The following PLPP3 variants were observed in gnomAD, a reference collection of about 807,000 sequenced individuals.
PLPP3 encodes the protein PAP2 beta.
Under a neutral mutation model 29.6 loss-of-function variants are expected in PLPP3, and 6 were observed. The ratio of observed to expected loss-of-function variants is 0.20; its 90% confidence interval spans 0.11 to 0.40. PLPP3 has a LOEUF of 0.40. Among genes scored for constraint, PLPP3 ranks in the 10% least tolerant of loss-of-function variants. PLPP3 has a pLI of 1.00. For synonymous variants in PLPP3, 152 were observed against 159.7 expected (o/e 0.95, Z 0.36); for missense variants, 308 against 407.7 (o/e 0.76, Z 2.11).
At chr1:56,522,301 T>C (rs1013768634) in intron 4 of PLPP3, among the ~76,000 whole-genome samples, 3 of 152,176 alleles carry the variant, frequency 2.0e-5, no homozygotes, top group Non-Finnish European at 4.4e-5. Context: ...AAGGCTACAG[T>C]GCACAGTGCT....
intron 3 of PLPP3, 89 bp from the exon 4 acceptor site, chr1:56,523,969 C>A: frequency 6.9e-7 from 1 of 1,455,528 alleles, no homozygotes; most frequent in South Asian, 1.2e-5. Flanking sequence ...AGACTGTAAC[C>A]TTGAGAGCAG....
At position 56,557,012 on chromosome 1, in the gene PLPP3, G is replaced by GAAGGAAAGAAAGAAAGAAAAGAA. The variant is rs60511169; in HGVS notation, c.140-19901_140-19900insTTCTTTTCTTTCTTTCTTTCCTT. 5.5e-4 allele frequency among the ~76,000 whole-genome samples: 5 copies of GAAGGAAAGAAAGAAAGAAAAGAA among 9,124 alleles called. 2 individuals are homozygous for GAAGGAAAGAAAGAAAGAAAAGAA. The South Asian group carries it at 7.0e-3, about 13-fold the overall frequency. 6.0% of individuals were successfully genotyped at this position (9,124 alleles called of 152,430 possible). A position where few individuals can be genotyped will look rare whatever the true frequency, so the allele number is the denominator to read the frequency against. ...AAAGAAAGAAAGAAAGAAAGAAAGA[G>GAAGGAAAGAAAGAAAGAAAAGAA]AGAGAGAGAGAGAAAGAGAGAGAGA... On this transcript the variant is annotated intron_variant, in intron 1 of 5. Transcript: ENST00000371250.
intron 1 of PLPP3, among the ~76,000 whole-genome samples, chr1:56,544,212 C>T (rs552704445): frequency 6.6e-6 from 1 of 152,326 alleles, no homozygotes; most frequent in South Asian, 2.1e-4. Flanking sequence ...AAATCCCCAG[C>T]TCCAGCTGTT....
chr1:56,538,689 A>G (rs1189234544), intron 1 of PLPP3: 4 of 258,070 alleles, frequency 1.5e-5, no homozygotes, highest in Non-Finnish European at 2.3e-5. Context: ...TAAACAAAAA[A>G]GTTAAGGGGA....
intron 1 of PLPP3, 67 bp downstream of exon 1, chr1:56,578,811 A>T: frequency 7.1e-7 from 1 of 1,409,314 alleles, no homozygotes; most frequent in Non-Finnish European, 9.2e-7. Context: ...GCGGCCCCGG[A>T]CTGGGCTGGG....
At chr1:56,514,471 C>T (rs1286621187) in intron 4 of PLPP3, among the ~76,000 whole-genome samples, 1 of 152,118 alleles carries the variant, frequency 6.6e-6, no homozygotes, top group East Asian at 1.9e-4. Flanking sequence ...GGGCCTAGTT[C>T]ACGAAGGGCT....
chr1:56,569,948 G>A (rs1464025907), intron 1 of PLPP3, among the ~76,000 whole-genome samples: 2 of 152,200 alleles, frequency 1.3e-5, no homozygotes, highest in Non-Finnish European at 2.9e-5. Flanking sequence ...CCTCAGGCAA[G>A]CTTCATCACT....
chr1:56,498,671 T>C (rs1645645637), intron 5 of PLPP3, among the ~76,000 whole-genome samples: 1 of 151,762 alleles, frequency 6.6e-6, no homozygotes, highest in Non-Finnish European at 1.5e-5. Context: ...TCTCATTCTG[T>C]CACCCAGGCT....
In PLPP3 at chr1:56,497,249, C is replaced by T. The variant is rs572362111; in HGVS notation, c.811-573G>A. Among the ~76,000 whole-genome samples the T allele has an allele frequency of 6.6e-5, 10 of 152,310 alleles. No individual in the cohort carries two copies. The South Asian group carries it at 8.3e-4, about 13-fold the overall frequency. On this transcript the variant is annotated intron_variant, in intron 5 of 5. Coordinates refer to ENST00000371250, the MANE Select transcript of PLPP3 (RefSeq NM_003713.5). ...AAGTTGGCAACTAAACGTGGAGGAA[C>T]GGTTAATGACAAATCTCGTATCACT...
At chr1:56,523,373 A>T (rs1002549349) in intron 4 of PLPP3, among the ~76,000 whole-genome samples, 4 of 152,144 alleles carry the variant, frequency 2.6e-5, no homozygotes, top group Admixed American at 1.3e-4. Context: ...TCTGAGACTT[A>T]CTTAGCAATC....
intron 4 of PLPP3, among the ~76,000 whole-genome samples, chr1:56,519,335 TGA>T (rs1389517013): frequency 6.6e-6 from 1 of 152,156 alleles, no homozygotes; most frequent in Non-Finnish European, 1.5e-5. Context: ...GTCATAATTC[TGA>T]GAGTCCGTAA....
At chr1:56,509,094 G>T (rs1434054661) in intron 5 of PLPP3, among the ~76,000 whole-genome samples, 1 of 152,134 alleles carries the variant, frequency 6.6e-6, no homozygotes, top group Non-Finnish European at 1.5e-5. Flanking sequence ...TGGACCATGA[G>T]GTCCCACTGA....
chr1:56,527,071 ATGAGTCACCTTTC>A (rs1343788258), intron 2 of PLPP3, among the ~76,000 whole-genome samples: 1 of 152,212 alleles, frequency 6.6e-6, no homozygotes, highest in Admixed American at 6.5e-5. Flanking sequence ...TTAATCTCAG[ATGAGTCACCTTTC>A]TGCTCCAGTT....
Position 56,578,867 on chromosome 1 carries a change from G to T in PLPP3, c.139+11C>A. ...GGCCGAGGGGCCGAGGGACAGCGGGGCTGGGCTCACCCATGAAGAGGCAGA... is the reference window on the plus strand; with the variant it reads ...GGCCGAGGGGCCGAGGGACAGCGGGTCTGGGCTCACCCATGAAGAGGCAGA... On this transcript the variant is annotated intron_variant, in intron 1 of 5. Transcript: ENST00000371250. 1 of 1,552,554 alleles carries T rather than the reference G, an allele frequency of 6.4e-7. No individual in the cohort carries two copies.
At chr1:56,516,105 G>T (rs982833403) in intron 4 of PLPP3, among the ~76,000 whole-genome samples, 1 of 152,170 alleles carries the variant, frequency 6.6e-6, no homozygotes, top group African/African-American at 2.4e-5. Flanking sequence ...ATTGCACAAT[G>T]ACTTTCCATC....
chr1:56,530,346 G>C (rs200559489), intron 2 of PLPP3, among the ~76,000 whole-genome samples: 1 of 81,860 alleles, frequency 1.2e-5, no homozygotes, highest in African/African-American at 5.6e-5. Context: ...GCATCTCTCT[G>C]TCTCTCTCTA....
intron 1 of PLPP3, among the ~76,000 whole-genome samples, chr1:56,546,246 T>C (rs1298258753): frequency 6.6e-6 from 1 of 152,214 alleles, no homozygotes; most frequent in Non-Finnish European, 1.5e-5. Flanking sequence ...CTCCCTGACA[T>C]GAAGGCTGTC....
chr1:56,530,593 G>GCTTTTGCAAGGT (rs1553137420), intron 2 of PLPP3, among the ~76,000 whole-genome samples: 3 of 152,160 alleles, frequency 2.0e-5, no homozygotes, highest in Non-Finnish European at 4.4e-5. Flanking sequence ...TGTCCATCCG[G>GCTTTTGCAAGGT]CTTTTGCAAG....
chr1:56,533,038 C>A (rs1645900770), intron 2 of PLPP3, among the ~76,000 whole-genome samples: 1 of 151,388 alleles, frequency 6.6e-6, no homozygotes. Context: ...CGTCTTCCAG[C>A]AACCTATTAT....
Sources: allele counts gnomAD v4.1 joint callset (sites outside exome capture counted in the v4.1 genomes callset), GRCh38; gene constraint gnomAD v4.1.1; transcripts MANE v1.5; gene names NCBI Gene and HGNC (gene_info 2026-07-23, HGNC 2026-07-21).